Variants in SGMS1 observed in about 807,000 individuals in gnomAD.
SGMS1 encodes phosphatidylcholine:ceramide cholinephosphotransferase 1.
Under a neutral mutation model 46.2 loss-of-function variants are expected in SGMS1, and 13 were observed. The observed-to-expected ratio is 0.28, with a 90% CI of 0.18 to 0.45. The LOEUF (loss-of-function observed/expected upper bound fraction) is 0.45, where lower values mean the gene tolerates loss of function less well. Among genes scored for constraint, SGMS1 ranks in the 20% least tolerant of loss-of-function variants. The pLI is 1.00. For missense variants in SGMS1, 324 were observed against 519.9 expected (o/e 0.62, Z 3.66); for synonymous variants, 203 against 187.8 (o/e 1.08, Z -0.66).
intron 1 of SGMS1, among the ~76,000 whole-genome samples, chr10:50,598,992 T>C (rs1838622569): frequency 6.6e-6 from 1 of 151,638 alleles, no homozygotes; most frequent in Non-Finnish European, 1.5e-5. Flanking sequence ...AATGGTAAAG[T>C]GAGGTGATGA....
chr10:50,562,637 G>T (rs1838251292), intron 2 of SGMS1, among the ~76,000 whole-genome samples: 1 of 152,074 alleles, frequency 6.6e-6, no homozygotes, highest in Non-Finnish European at 1.5e-5. Context: ...TCCGCCTCCC[G>T]GGTTCACACC....
intron 1 of SGMS1, among the ~76,000 whole-genome samples, chr10:50,616,128 T>C (rs1838794552): frequency 6.6e-6 from 1 of 152,164 alleles, no homozygotes; most frequent in Non-Finnish European, 1.5e-5. Flanking sequence ...ATTTTATTTA[T>C]TTTTTGAAAC....
intron 2 of SGMS1, among the ~76,000 whole-genome samples, chr10:50,531,973 T>C (rs1374788589): frequency 6.6e-6 from 1 of 152,152 alleles, no homozygotes; most frequent in African/African-American, 2.4e-5. Context: ...AATTCTGGCT[T>C]GGGACTGAAT....
At chr10:50,608,067 A>C (rs1838714092) in intron 1 of SGMS1, among the ~76,000 whole-genome samples, 1 of 152,264 alleles carries the variant, frequency 6.6e-6, no homozygotes, top group African/African-American at 2.4e-5. Context: ...TTTTAATAAC[A>C]AAACTGTAAT....
chr10:50,319,635 T>C (rs1847407430), intron 8 of SGMS1, among the ~76,000 whole-genome samples: 3 of 152,242 alleles, frequency 2.0e-5, no homozygotes, highest in Admixed American at 2.0e-4. Flanking sequence ...TTATAGAATA[T>C]TGCTTGATTT....
chr10:50,360,997 C>T (rs183690394), intron 6 of SGMS1, among the ~76,000 whole-genome samples: 3 of 152,286 alleles, frequency 2.0e-5, no homozygotes, highest in Admixed American at 1.3e-4. Context: ...CTAAAGCATA[C>T]CCACAGTGCC....
At chr10:50,402,286 A>T (rs2133543710) in intron 6 of SGMS1, among the ~76,000 whole-genome samples, 1 of 152,354 alleles carries the variant, frequency 6.6e-6, no homozygotes, top group Non-Finnish European at 1.5e-5. Context: ...CAGAAGTCAA[A>T]GCTTAGCATT....
Position 50,313,331 on chromosome 10 carries a change from A to T in SGMS1, c.742-1916T>A, listed in dbSNP as rs546453671. 3.3e-5 allele frequency among the ~76,000 whole-genome samples: 5 copies of T among 152,304 alleles called. No homozygotes were observed. In the East Asian group the frequency reaches 9.6e-4, roughly 29 times the overall value. ...TGCCTATATTCAAAAATTACAGAGT[A>T]ACAATATCTCATGTCACGTGGAGAC... On this transcript the variant is annotated intron_variant, in intron 8 of 10. Transcript: ENST00000361781.
At chr10:50,598,647 G>C (rs982776603) in intron 1 of SGMS1, among the ~76,000 whole-genome samples, 7 of 151,942 alleles carry the variant, frequency 4.6e-5, no homozygotes, top group African/African-American at 1.7e-4. Context: ...CAGGAGTCAG[G>C]GTATCAGAAA....
intron 8 of SGMS1, among the ~76,000 whole-genome samples, chr10:50,311,617 G>A (rs1030923773): frequency 3.3e-5 from 5 of 152,172 alleles, no homozygotes; most frequent in South Asian, 2.1e-4. Flanking sequence ...AATGAATCAC[G>A]TGGCTTCAGG....
At chr10:50,417,096 GCAGT>G (rs567728076) in intron 6 of SGMS1, among the ~76,000 whole-genome samples, 34 of 152,056 alleles carry the variant, frequency 2.2e-4, no homozygotes, top group Admixed American at 1.4e-3. Flanking sequence ...TTTCCTGTAC[GCAGT>G]CAGTGTTTCT....
At chr10:50,601,026 T>C (rs1838645177) in intron 1 of SGMS1, among the ~76,000 whole-genome samples, 1 of 152,166 alleles carries the variant, frequency 6.6e-6, no homozygotes, top group African/African-American at 2.4e-5. Flanking sequence ...CAGACACATT[T>C]TTAAGCAGTG....
intron 2 of SGMS1, among the ~76,000 whole-genome samples, chr10:50,585,439 T>C (rs1402873085): frequency 6.6e-6 from 1 of 152,216 alleles, no homozygotes; most frequent in Non-Finnish European, 1.5e-5. Context: ...TCAAATTATG[T>C]AGGGTAAGTG....
chr10:50,458,654 C>T (rs1204283150), intron 5 of SGMS1, among the ~76,000 whole-genome samples: 2 of 152,070 alleles, frequency 1.3e-5, no homozygotes, highest in Non-Finnish European at 2.9e-5. Flanking sequence ...CCACCGCTTC[C>T]GGCCGGCTCT....
intron 6 of SGMS1, among the ~76,000 whole-genome samples, chr10:50,364,210 T>C (rs1319208446): frequency 6.6e-6 from 1 of 150,444 alleles, no homozygotes; most frequent in Non-Finnish European, 1.5e-5. Flanking sequence ...TTCAAGAAAA[T>C]CCAAGAAAAA....
chr10:50,450,259 G>A (rs1454404699), intron 5 of SGMS1, among the ~76,000 whole-genome samples: 2 of 152,230 alleles, frequency 1.3e-5, no homozygotes, highest in Non-Finnish European at 2.9e-5. Context: ...CAAAGTGGAA[G>A]AGAGGAGTGA....
chr10:50,506,652 G>T (rs1316488077), intron 3 of SGMS1, among the ~76,000 whole-genome samples: 1 of 152,202 alleles, frequency 6.6e-6, no homozygotes, highest in Non-Finnish European at 1.5e-5. Flanking sequence ...TCCTCCAGGA[G>T]CAAATTAAAG....
Position 50,311,361 on chromosome 10 carries a change from C to T in SGMS1, c.796G>A (p.Gly266Ser). ...TGAGAGCCAGTGATAGACAAGCCACCTCCAGCAATGAGCTTCATTATTCTT... is the reference window on the plus strand; with the variant it reads ...TGAGAGCCAGTGATAGACAAGCCACTTCCAGCAATGAGCTTCATTATTCTT... Reference protein sequence around the residue: ...LRRIMKLIAGGGLSITGSHNM... With the variant: ...LRRIMKLIAGSGLSITGSHNM... The change falls in exon 9 of 11, where the codon GGT becomes AGT. Residue 266 changes from glycine (G) to serine (S), a missense_variant. Physicochemically the swap from Gly to Ser is moderately conservative, Grantham distance 56. Around this residue, in one of 2 missense-constraint regions of SGMS1, gnomAD observed 174 missense variants for 350.1 expected, o/e 0.50. Coordinates refer to ENST00000361781, the MANE Select transcript of SGMS1 (RefSeq NM_147156.4). The T allele has an allele frequency of 6.2e-7, 1 of 1,614,020 alleles. No homozygotes were observed.
intron 2 of SGMS1, among the ~76,000 whole-genome samples, chr10:50,581,548 A>G (rs1286463918): frequency 6.6e-6 from 1 of 152,210 alleles, no homozygotes; most frequent in Non-Finnish European, 1.5e-5. Context: ...GGTTAAAGGC[A>G]ACGAAGGAAC....
Sources: allele counts gnomAD v4.1 joint callset (sites outside exome capture counted in the v4.1 genomes callset), GRCh38; gene constraint gnomAD v4.1.1; regional missense constraint gnomAD v4.1.1; transcripts MANE v1.5; gene names NCBI Gene and HGNC (gene_info 2026-07-23, HGNC 2026-07-21).